RNF121: variants seen among roughly 807,000 people sequenced by gnomAD.
RNF121 encodes the protein ring finger protein 121.
A neutral mutation model predicts 46.5 loss-of-function variants in RNF121; 21 were observed. That is an observed-to-expected ratio of 0.45 (90% CI 0.32 to 0.65). The LOEUF is 0.65. Ranked by LOEUF, RNF121 falls within the 30% of genes least tolerant of loss-of-function variation. RNF121 has a pLI of 0.04. For synonymous variants in RNF121, 139 were observed against 144.7 expected, an observed-to-expected ratio of 0.96 and a Z score of 0.28; for missense variants, 346 against 416.0, an observed-to-expected ratio of 0.83 and a Z score of 1.46.
At position 71,982,859 on chromosome 11, in the gene RNF121, C is replaced by T. The variant is rs1317490215; in HGVS notation, c.342C>T (p.Val114=). 6.2e-7 allele frequency: 1 copy of T among 1,614,020 alleles called. No homozygotes were observed. Among genetic ancestry groups the T allele is most frequent in the South Asian group, 1.1e-5 (1 of 91,034 alleles). ...FLVIWILFSA[V]TAFVTFRATR... Reference sequence around the variant, plus strand: ...TGATCTGGATCTTGTTCTCTGCTGTCACAGCCTTTGTTACCTTCCGAGCCA... The same window carrying T: ...TGATCTGGATCTTGTTCTCTGCTGTTACAGCCTTTGTTACCTTCCGAGCCA... Residue 114 remains valine, a synonymous_variant, in exon 4 of 9, where the codon GTC becomes GTT. Transcript: ENST00000361756.
intron 1 of RNF121, among the ~76,000 whole-genome samples, chr11:71,940,167 C>T (rs1027591037): frequency 6.6e-6 from 1 of 152,198 alleles, no homozygotes; most frequent in Non-Finnish European, 1.5e-5. Flanking sequence ...GATATATTTA[C>T]TGATAACTGC....
rs145905461 is a variant in RNF121 at position 71,929,096 on chromosome 11, G to T, written c.35G>T (p.Gly12Val). Reference protein sequence around the residue: ...AAVVEVEVGGGAAGERELDEV... With the variant: ...AAVVEVEVGGVAAGERELDEV... Reference sequence around the variant, plus strand: ...GTGGTGGAGGTGGAGGTTGGAGGTGGTGCTGCTGGGGAACGGGAGCTGGAT... The same window carrying T: ...GTGGTGGAGGTGGAGGTTGGAGGTGTTGCTGCTGGGGAACGGGAGCTGGAT... The change falls in exon 1 of 9, where the codon GGT becomes GTT. Residue 12 changes from glycine to valine, a missense_variant. By Grantham distance (109) the Gly-to-Val change is moderately radical. Transcript: ENST00000361756. 2.6e-6 allele frequency: 4 copies of T among 1,551,652 alleles called. No individual in the cohort carries two copies. The African/African-American group carries it at 5.5e-5, about 21-fold the overall frequency.
At chr11:71,989,630 G>A (rs966233011) in intron 5 of RNF121, among the ~76,000 whole-genome samples, 9 of 152,212 alleles carry the variant, frequency 5.9e-5, no homozygotes, top group Middle Eastern at 3.4e-3. Context: ...TATTTTAACA[G>A]ATAATTTTCT....
intron 1 of RNF121, among the ~76,000 whole-genome samples, chr11:71,929,334 C>T (rs1590758985): frequency 6.6e-6 from 1 of 150,538 alleles, no homozygotes; most frequent in South Asian, 2.1e-4. Flanking sequence ...TTGCATTAGC[C>T]TCAAGGGTGA....
chr11:71,978,983 T>G (rs1416558775), intron 3 of RNF121, among the ~76,000 whole-genome samples: 1 of 152,226 alleles, frequency 6.6e-6, no homozygotes, highest in Non-Finnish European at 1.5e-5. Context: ...CTTCTAGAAA[T>G]GGTCTGAAGG....
At chr11:71,954,977 G>C (rs1316535025) in intron 1 of RNF121, among the ~76,000 whole-genome samples, 1 of 152,086 alleles carries the variant, frequency 6.6e-6, no homozygotes, top group African/African-American at 2.4e-5. Context: ...GCTCAGCTCT[G>C]TGCTGTTCTC....
intron 3 of RNF121, among the ~76,000 whole-genome samples, 188 bp from the exon 4 acceptor site, chr11:71,982,573 A>G (rs1050167329): frequency 8.5e-5 from 13 of 152,196 alleles, no homozygotes; most frequent in African/African-American, 3.1e-4. Flanking sequence ...TGAGTGAGGG[A>G]TGAAAGGGAG....
intron 1 of RNF121, among the ~76,000 whole-genome samples, chr11:71,937,905 C>T (rs765203012): frequency 6.6e-6 from 1 of 152,182 alleles, no homozygotes; most frequent in Non-Finnish European, 1.5e-5. Flanking sequence ...TCATTTGCTA[C>T]CTCTACTCCT....
intron 1 of RNF121, among the ~76,000 whole-genome samples, chr11:71,946,953 C>T (rs965988934): frequency 1.4e-5 from 2 of 147,694 alleles, no homozygotes; most frequent in Non-Finnish European, 3.0e-5. Context: ...CTGCAACCTC[C>T]GCTTCCTGGG....
chr11:71,966,925 G>T (rs1487646878), intron 3 of RNF121, among the ~76,000 whole-genome samples: 1 of 147,556 alleles, frequency 6.8e-6, no homozygotes. Flanking sequence ...ACTGCGGACT[G>T]CAGAGGCGCA....
chr11:71,967,167 G>A (rs7925196), intron 3 of RNF121, among the ~76,000 whole-genome samples: 3,966 of 150,486 alleles, frequency 0.026, 164 homozygotes, highest in African/African-American at 0.091. Flanking sequence ...CACCGCGCCC[G>A]GCCAATATTT....
chr11:71,984,112 T>C (rs1194914738), intron 4 of RNF121, among the ~76,000 whole-genome samples: 1 of 152,178 alleles, frequency 6.6e-6, no homozygotes, highest in African/African-American at 2.4e-5. Flanking sequence ...TCTTCATCCC[T>C]AAAAATGGGA....
rs190589960 is a variant in RNF121, at chr11:71,944,720, C to T, written c.64-12507C>T. On this transcript the variant is annotated intron_variant, in intron 1 of 8. Transcript: ENST00000361756. Reference sequence around the variant, plus strand: ...CCAGAAGATTTGAACTTGGGTGACACAGTGACTCGAGAAGTACATGAGGTT... The same window carrying T: ...CCAGAAGATTTGAACTTGGGTGACATAGTGACTCGAGAAGTACATGAGGTT... Among the ~76,000 whole-genome samples the T allele has an allele frequency of 1.1e-3, 165 of 152,220 alleles. 3 individuals carry two copies. The highest frequency in any genetic ancestry group is 0.011 in the Admixed American group (163 of 15,286).
chr11:71,934,686 T>C lies in RNF121; in HGVS notation c.63+5562T>C, dbSNP rs552585611. 2.6e-5 allele frequency among the ~76,000 whole-genome samples: 4 copies of C among 152,298 alleles called. No individual in the cohort carries two copies. The South Asian group carries it at 6.2e-4, about 24-fold the overall frequency. On this transcript the variant is annotated intron_variant, in intron 1 of 8. Coordinates refer to ENST00000361756, the MANE Select transcript of RNF121 (RefSeq NM_018320.5). The stretch of plus-strand genomic sequence containing the variant: ...GGATATCTGACTACCTCTGGATTTT[T>C]TTTAGGCATGTAAAATGAGTGGTGG...
chr11:71,956,678 A>G (rs563880034), intron 1 of RNF121, among the ~76,000 whole-genome samples: 1 of 152,196 alleles, frequency 6.6e-6, no homozygotes, highest in African/African-American at 2.4e-5. Context: ...GTCTCCCACT[A>G]ATCCTGATTC....
intron 6 of RNF121, 73 bp from the exon 7 acceptor site, chr11:71,994,646 T>C: frequency 6.3e-7 from 1 of 1,587,814 alleles, no homozygotes; most frequent in Non-Finnish European, 8.6e-7. Context: ...AGGCCTGAGG[T>C]CTCTGTGGAG....
rs115432361 is a variant in RNF121 at position 71,997,161 on chromosome 11, C to T, written c.*846C>T. On this transcript the variant is annotated 3_prime_UTR_variant, in exon 9 of 9. Transcript: ENST00000361756. ...GTGGTGACACGTGCCAGCGGTCACT[C>T]TGCCACATCACTTCCTTCTTGAAAG... The T allele has an allele frequency of 6.6e-6, 1 of 152,302 alleles. No individual in the cohort carries two copies. Among genetic ancestry groups the T allele is most frequent in the African/African-American group, 2.4e-5 (1 of 41,554 alleles). The allele number at this position is 152,302 out of a possible 1,614,324, so 9.4% of individuals were successfully genotyped here.
intron 3 of RNF121, among the ~76,000 whole-genome samples, chr11:71,966,262 G>A (rs1010209958): frequency 1.4e-4 from 22 of 152,004 alleles, no homozygotes; most frequent in Middle Eastern, 3.2e-3. Context: ...CAGGTGATCC[G>A]CTCACCTTGG....
At chr11:71,944,886 C>T (rs79965181) in intron 1 of RNF121, among the ~76,000 whole-genome samples, 3,353 of 152,308 alleles carry the variant, frequency 0.022, 123 homozygotes, top group African/African-American at 0.074. Context: ...AATCTTCCTT[C>T]AGTCCTAGCT....
Sources: gnomAD v4.1 joint callset for allele counts (sites outside exome capture counted in the v4.1 genomes callset) on GRCh38, gnomAD v4.1.1 for gene constraint, MANE v1.5 for transcripts, NCBI Gene and HGNC (gene_info 2026-07-23, HGNC 2026-07-21) for gene names.